Variants in PTPRK observed in about 807,000 individuals in gnomAD.
PTPRK encodes the protein receptor-type tyrosine-protein phosphatase kappa.
PTPRK carries 75 observed loss-of-function variants against 178.0 expected under a neutral mutation model. The observed-to-expected ratio is 0.42, with a 90% CI of 0.35 to 0.51. The LOEUF (loss-of-function observed/expected upper bound fraction) is 0.51, where lower values mean the gene tolerates loss of function less well. Among genes scored for constraint, PTPRK ranks in the 20% least tolerant of loss-of-function variants. The probability of loss-of-function intolerance (pLI) is 0.02; values close to 1 mark genes in which losing one functional copy is unlikely to be tolerated. For missense variants in PTPRK, 1,441 were observed against 1,797.8 expected (o/e 0.80, Z 3.59); for synonymous variants, 637 against 620.6 (o/e 1.03, Z -0.39).
intron 1 of PTPRK, among the ~76,000 whole-genome samples, chr6:128,494,023 T>C (rs1177740419): frequency 6.6e-6 from 1 of 152,128 alleles, no homozygotes; most frequent in Non-Finnish European, 1.5e-5. Context: ...CCACATTGGT[T>C]AACGTTAAAT....
chr6:128,471,003 T>A (rs564262359), intron 1 of PTPRK, among the ~76,000 whole-genome samples: 14 of 151,762 alleles, frequency 9.2e-5, no homozygotes, highest in African/African-American at 2.7e-4. Flanking sequence ...AAGAGCTAGG[T>A]TGCCTTCTAT....
intron 7 of PTPRK, among the ~76,000 whole-genome samples, chr6:128,134,585 C>T (rs1184747695): frequency 6.6e-6 from 1 of 152,094 alleles, no homozygotes; most frequent in Non-Finnish European, 1.5e-5. Flanking sequence ...CCGAGGCAGG[C>T]TGACCACTTG....
intron 7 of PTPRK, among the ~76,000 whole-genome samples, chr6:128,163,802 C>T (rs1799010796): frequency 6.6e-6 from 1 of 151,394 alleles, no homozygotes; most frequent in Non-Finnish European, 1.5e-5. Context: ...CTATCTGAAA[C>T]ATCTGTAATG....
chr6:128,504,637 G>A (rs1025742988), intron 1 of PTPRK, among the ~76,000 whole-genome samples: 5 of 152,106 alleles, frequency 3.3e-5, no homozygotes, highest in Non-Finnish European at 7.3e-5. Flanking sequence ...AATCTGAAAC[G>A]TTGCCTAAGG....
intron 7 of PTPRK, among the ~76,000 whole-genome samples, chr6:128,153,680 G>T (rs1280626075): frequency 6.6e-6 from 1 of 151,814 alleles, no homozygotes; most frequent in Non-Finnish European, 1.5e-5. Context: ...AGTTTATAAA[G>T]AATTTAAGAT....
chr6:127,983,395 T>A lies in PTPRK; in HGVS notation c.3252-18A>T. 6.2e-7 allele frequency: 1 copy of A among 1,610,402 alleles called. No homozygotes were observed. Among genetic ancestry groups the A allele is most frequent in the Non-Finnish European group, 8.5e-7 (1 of 1,178,090 alleles). On this transcript the variant is annotated intron_variant, in intron 22 of 29. Coordinates refer to ENST00000368226, the MANE Select transcript of PTPRK (RefSeq NM_002844.4). ...CACCAGCACTGAAAAACAATTAAAT[T>A]TAATGAATTGTAAGAAGCATGTTAG...
At chr6:128,378,226 A>T (rs954532462) in intron 2 of PTPRK, among the ~76,000 whole-genome samples, 3 of 152,148 alleles carry the variant, frequency 2.0e-5, no homozygotes, top group African/African-American at 7.2e-5. Context: ...TTCTGGACAA[A>T]ACTGAGTAGT....
intron 2 of PTPRK, among the ~76,000 whole-genome samples, chr6:128,376,023 G>T (rs1837024097): frequency 6.6e-6 from 1 of 152,102 alleles, no homozygotes; most frequent in Non-Finnish European, 1.5e-5. Context: ...TGCTTTCATG[G>T]GTTGGCATTG....
chr6:128,303,295 T>C (rs1464337291), intron 3 of PTPRK, among the ~76,000 whole-genome samples: 1 of 152,174 alleles, frequency 6.6e-6, no homozygotes, highest in Non-Finnish European at 1.5e-5. Flanking sequence ...TCGCCCTTTT[T>C]TGTTCCACTA....
intron 1 of PTPRK, among the ~76,000 whole-genome samples, chr6:128,460,766 C>T (rs1935130): frequency 0.13 from 19,777 of 152,138 alleles, 1,655 homozygotes; most frequent in Non-Finnish European, 0.19. Context: ...AATGCTTCTC[C>T]CCATTTTAAG....
intron 2 of PTPRK, among the ~76,000 whole-genome samples, chr6:128,367,059 T>C (rs942153632): frequency 3.3e-5 from 5 of 152,138 alleles, no homozygotes; most frequent in Non-Finnish European, 7.4e-5. Context: ...GGACCTACTA[T>C]ATTATAGTAC....
chr6:128,382,873 AC>A (rs1402545998), intron 2 of PTPRK, among the ~76,000 whole-genome samples: 2 of 152,214 alleles, frequency 1.3e-5, no homozygotes, highest in African/African-American at 4.8e-5. Context: ...CAACTTTTGT[AC>A]CACTGCTACT....
intron 1 of PTPRK, among the ~76,000 whole-genome samples, chr6:128,423,113 A>G (rs1843693824): frequency 6.6e-6 from 1 of 152,258 alleles, no homozygotes; most frequent in South Asian, 2.1e-4. Flanking sequence ...AACTATTTTC[A>G]GAGTCTTCTC....
intron 6 of PTPRK, among the ~76,000 whole-genome samples, chr6:128,215,281 G>T (rs1305607420): frequency 2.6e-5 from 4 of 152,218 alleles, no homozygotes; most frequent in African/African-American, 4.8e-5. Context: ...AGACGGAGGA[G>T]ATCACAGCTG....
intron 3 of PTPRK, among the ~76,000 whole-genome samples, chr6:128,288,825 G>A (rs1384048788): frequency 6.6e-6 from 1 of 152,050 alleles, no homozygotes; most frequent in Non-Finnish European, 1.5e-5. Flanking sequence ...TTTGAAAACT[G>A]AGAATTCCTT....
At chr6:128,352,070 C>A (rs1171709625) in intron 2 of PTPRK, among the ~76,000 whole-genome samples, 1 of 151,792 alleles carries the variant, frequency 6.6e-6, no homozygotes, top group Admixed American at 6.6e-5. Context: ...GCCTGGCCAA[C>A]ATGGTGAAAC....
intron 1 of PTPRK, among the ~76,000 whole-genome samples, chr6:128,411,089 T>C (rs563976399): frequency 5.3e-5 from 8 of 152,070 alleles, no homozygotes; most frequent in Non-Finnish European, 1.2e-4. Flanking sequence ...GACAGGGTGC[T>C]GCCATGCTGC....
intron 3 of PTPRK, among the ~76,000 whole-genome samples, chr6:128,269,922 C>T (rs1269133580): frequency 6.6e-6 from 1 of 152,096 alleles, no homozygotes. Context: ...TAACGTGCTG[C>T]AGTTTTTCTA....
intron 7 of PTPRK, among the ~76,000 whole-genome samples, chr6:128,096,956 C>A (rs550994878): frequency 6.6e-6 from 1 of 152,112 alleles, no homozygotes; most frequent in African/African-American, 2.4e-5. Flanking sequence ...TTTACTCTTA[C>A]CTTTAGGTGC....
Sources: allele counts gnomAD v4.1 joint callset (sites outside exome capture counted in the v4.1 genomes callset), GRCh38; gene constraint gnomAD v4.1.1; transcripts MANE v1.5; gene names NCBI Gene and HGNC (gene_info 2026-07-23, HGNC 2026-07-21).